The following TMTC2 variants were observed in gnomAD, a reference collection of about 807,000 sequenced individuals.
TMTC2 encodes the protein transmembrane O-mannosyltransferase targeting cadherins 2, also known as protein O-mannosyl-transferase TMTC2.
TMTC2 carries 43 observed loss-of-function variants against 82.4 expected under a neutral mutation model. That is an observed-to-expected ratio of 0.52 (90% CI 0.41 to 0.67). TMTC2 has a LOEUF of 0.67. TMTC2 is among the 30% of genes least tolerant of loss of function. TMTC2 has a pLI of 0.00. For synonymous variants in TMTC2, 408 were observed against 381.9 expected (o/e 1.07, Z -0.80); for missense variants, 919 against 1,012.4 (o/e 0.91, Z 1.25).
At chr12:83,110,394 C>T (rs1884559857) in intron 11 of TMTC2, among the ~76,000 whole-genome samples, 1 of 152,022 alleles carries the variant, frequency 6.6e-6, no homozygotes, top group Non-Finnish European at 1.5e-5. Context: ...AATTGAAAAG[C>T]AAAAAACTTC....
chr12:83,127,055 CTTAAG>C (rs981173700), intron 11 of TMTC2, among the ~76,000 whole-genome samples: 3 of 152,042 alleles, frequency 2.0e-5, no homozygotes, highest in Admixed American at 2.0e-4. Context: ...TGCAGCCTTC[CTTAAG>C]TTATTTGATA....
At chr12:83,061,969 G>C in intron 11 of TMTC2, 138 bp downstream of exon 11, 1 of 626,998 alleles carries the variant, frequency 1.6e-6, no homozygotes, top group Non-Finnish European at 2.6e-6. Context: ...TTCTCTCTCT[G>C]AGCTCTTATT....
chr12:82,995,067 T>TA (rs1410448414), intron 8 of TMTC2, among the ~76,000 whole-genome samples: 1 of 152,246 alleles, frequency 6.6e-6, no homozygotes, highest in East Asian at 1.9e-4. Flanking sequence ...TAATAAAGCA[T>TA]AAAAACATTT....
intron 2 of TMTC2, among the ~76,000 whole-genome samples, chr12:82,893,637 T>G (rs557484982): frequency 4.8e-4 from 73 of 152,286 alleles, no homozygotes; most frequent in Non-Finnish European, 9.7e-4. Flanking sequence ...CATGTTTAAC[T>G]TCTAACCACC....
At chr12:83,070,729 T>G (rs1027390981) in intron 11 of TMTC2, among the ~76,000 whole-genome samples, 4 of 152,202 alleles carry the variant, frequency 2.6e-5, no homozygotes, top group Non-Finnish European at 5.9e-5. Context: ...CAGTACTGTG[T>G]TGAAGAGTAG....
chr12:82,916,018 A>G (rs1874979353), intron 3 of TMTC2, among the ~76,000 whole-genome samples: 1 of 152,194 alleles, frequency 6.6e-6, no homozygotes, highest in Non-Finnish European at 1.5e-5. Flanking sequence ...ACATAGAAAG[A>G]CCCAGTATTT....
At chr12:82,730,514 C>A (rs964005391) in intron 1 of TMTC2, among the ~76,000 whole-genome samples, 10 of 152,096 alleles carry the variant, frequency 6.6e-5, no homozygotes, top group South Asian at 2.1e-4. Context: ...CCACTTTAAA[C>A]AACATTGACT....
intron 9 of TMTC2, among the ~76,000 whole-genome samples, chr12:83,033,017 T>A (rs1005792317): frequency 1.3e-5 from 2 of 152,228 alleles, no homozygotes; most frequent in African/African-American, 4.8e-5. Flanking sequence ...AAAGGAGGAA[T>A]GACTGTATAA....
intron 1 of TMTC2, among the ~76,000 whole-genome samples, chr12:82,848,473 G>A (rs937486921): frequency 6.6e-6 from 1 of 152,024 alleles, no homozygotes; most frequent in African/African-American, 2.4e-5. Flanking sequence ...GAAACTCCTT[G>A]TACATTTATT....
At chr12:83,094,861 A>G (rs1052733123) in intron 11 of TMTC2, among the ~76,000 whole-genome samples, 2 of 152,168 alleles carry the variant, frequency 1.3e-5, no homozygotes, top group African/African-American at 2.4e-5. Flanking sequence ...AAATGTGTCA[A>G]AGTTGATTAT....
At chr12:82,992,721 G>A (rs1879451723) in intron 8 of TMTC2, among the ~76,000 whole-genome samples, 1 of 152,020 alleles carries the variant, frequency 6.6e-6, no homozygotes, top group Non-Finnish European at 1.5e-5. Flanking sequence ...ATATGCATTT[G>A]TTTTCTAGTA....
At chr12:82,722,390 TA>T (rs1592873872) in intron 1 of TMTC2, among the ~76,000 whole-genome samples, 1 of 36,094 alleles carries the variant, frequency 2.8e-5, no homozygotes. Flanking sequence ...CCGTCTCTAC[TA>T]AAAATACAAA....
Position 82,840,518 on chromosome 12 carries a change from A to G in TMTC2, c.84-16492A>G, listed in dbSNP as rs186702838. Reference sequence around the variant, plus strand: ...ATTTAATTAGCACGGTTACTTGTACATAGAAAAAATATTATTTTATTGGCA... The same window carrying G: ...ATTTAATTAGCACGGTTACTTGTACGTAGAAAAAATATTATTTTATTGGCA... On this transcript the variant is annotated intron_variant, in intron 1 of 11. Coordinates refer to ENST00000321196, the MANE Select transcript of TMTC2 (RefSeq NM_152588.3). Among the ~76,000 whole-genome samples, 23 of 152,336 alleles carry G rather than the reference A, an allele frequency of 1.5e-4. No individual in the cohort carries two copies. In the East Asian group the frequency reaches 3.7e-3, roughly 24 times the overall value.
At chr12:82,972,683 T>C in intron 7 of TMTC2, among the ~76,000 whole-genome samples, 1 of 152,204 alleles carries the variant, frequency 6.6e-6, no homozygotes, top group African/African-American at 2.4e-5. Context: ...TTTTTTAAAC[T>C]ATTATTTAGG....
At chr12:82,763,129 G>T (rs1053633112) in intron 1 of TMTC2, among the ~76,000 whole-genome samples, 8 of 151,560 alleles carry the variant, frequency 5.3e-5, no homozygotes, top group African/African-American at 1.9e-4. Context: ...AAAATAAAAT[G>T]CTTTCATCCC....
chr12:82,940,014 C>CTTTTTTTTTTTTTT (rs71309537), intron 4 of TMTC2, among the ~76,000 whole-genome samples: 15 of 91,250 alleles, frequency 1.6e-4, no homozygotes, highest in Non-Finnish European at 2.6e-4. Context: ...TCTTTCTTTA[C>CTTTTTTTTTTTTTT]TTTTTTTTTT....
chr12:82,702,904 C>T (rs938614628), intron 1 of TMTC2, among the ~76,000 whole-genome samples: 2 of 152,222 alleles, frequency 1.3e-5, no homozygotes, highest in Middle Eastern at 3.4e-3. Context: ...ACCAGATACT[C>T]AGGAGGCTGA....
chr12:82,882,824 G>A (rs1329896845), intron 2 of TMTC2, among the ~76,000 whole-genome samples: 2 of 152,054 alleles, frequency 1.3e-5, no homozygotes, highest in Admixed American at 6.6e-5. Context: ...TTGGGAGGCC[G>A]AGGCAGGCAG....
chr12:82,913,980 A>C (rs1483639868), intron 3 of TMTC2, among the ~76,000 whole-genome samples: 2 of 152,178 alleles, frequency 1.3e-5, no homozygotes, highest in African/African-American at 4.8e-5. Context: ...GGTTGAAAAA[A>C]AAAATCCACA....
Sources: gnomAD v4.1 joint callset for allele counts (sites outside exome capture counted in the v4.1 genomes callset) on GRCh38, gnomAD v4.1.1 for gene constraint, MANE v1.5 for transcripts, NCBI Gene and HGNC (gene_info 2026-07-23, HGNC 2026-07-21) for gene names.